Variants in LINGO2 observed in about 807,000 individuals in gnomAD.
LINGO2 encodes leucine-rich repeat and immunoglobulin-like domain-containing nogo receptor-interacting protein 2.
In LINGO2, 14 loss-of-function variants were observed where a neutral mutation model predicts 30.6. That is an observed-to-expected ratio of 0.46 (90% CI 0.30 to 0.72). The LOEUF is 0.72. LINGO2 is among the 30% of genes least tolerant of loss of function. LINGO2 has a pLI of 0.07. For missense variants in LINGO2, 729 were observed against 751.7 expected (o/e 0.97, Z 0.35); for synonymous variants, 317 against 288.5 (o/e 1.10, Z -1.00).
At chr9:28,441,914 A>C (rs1345823598) in intron 2 of LINGO2, among the ~76,000 whole-genome samples, 1 of 152,144 alleles carries the variant, frequency 6.6e-6, no homozygotes, top group Non-Finnish European at 1.5e-5. Flanking sequence ...GACTTCACTG[A>C]ACTAAGATAC....
chr9:27,984,352 A>C (rs1169177712), intron 5 of LINGO2, among the ~76,000 whole-genome samples: 1 of 151,864 alleles, frequency 6.6e-6, no homozygotes, highest in East Asian at 1.9e-4. Flanking sequence ...ACCAGGTTTT[A>C]ATAGGTGAGC....
At chr9:28,552,160 C>A (rs1010849668) in intron 1 of LINGO2, among the ~76,000 whole-genome samples, 2 of 151,954 alleles carry the variant, frequency 1.3e-5, no homozygotes, top group African/African-American at 2.4e-5. Context: ...ATCAAGCCCT[C>A]CTGATAAATC....
At chr9:28,487,294 G>A (rs1475258725) in intron 1 of LINGO2, among the ~76,000 whole-genome samples, 3 of 151,974 alleles carry the variant, frequency 2.0e-5, no homozygotes, top group Non-Finnish European at 4.4e-5. Context: ...TGTGATTTGG[G>A]GAATGCATTA....
At chr9:29,012,075 T>C in the LINGO2 span, among the ~76,000 whole-genome samples, 132,856 of 152,132 alleles carry the variant, frequency 0.87, 58,640 homozygotes, top group Non-Finnish European at 0.93. Flanking sequence ...AAAATATTAA[T>C]GGCTGGGCAC....
At chr9:28,769,530 T>A in the LINGO2 span, among the ~76,000 whole-genome samples, 1 of 6,186 alleles carries the variant, frequency 1.6e-4, no homozygotes, top group African/African-American at 2.7e-4. Flanking sequence ...TTTTTTTTTT[T>A]TTTTTTTTTT....
the LINGO2 span, among the ~76,000 whole-genome samples, chr9:29,168,029 G>A: frequency 1.3e-5 from 2 of 151,820 alleles, no homozygotes; most frequent in Non-Finnish European, 2.9e-5. Context: ...CTAGTACATT[G>A]TTATTGTTTT....
chr9:28,005,135 C>A (rs2119185266), intron 5 of LINGO2, among the ~76,000 whole-genome samples: 1 of 152,314 alleles, frequency 6.6e-6, no homozygotes, highest in South Asian at 2.1e-4. Flanking sequence ...TTCCCAGTAA[C>A]ACATGACTCT....
At chr9:29,189,495 G>T in the LINGO2 span, among the ~76,000 whole-genome samples, 2 of 151,806 alleles carry the variant, frequency 1.3e-5, no homozygotes, top group Non-Finnish European at 2.9e-5. Context: ...CCCAGACGGG[G>T]CGGTGGGGCA....
At chr9:28,599,267 C>G (rs1825353220) in intron 1 of LINGO2, 1 of 152,100 alleles carries the variant, frequency 6.6e-6, no homozygotes, top group African/African-American at 2.4e-5. Flanking sequence ...GAATATCTTA[C>G]CTAAGTGATT....
At chr9:28,203,264 T>G (rs1564040184) in intron 4 of LINGO2, among the ~76,000 whole-genome samples, 1 of 152,194 alleles carries the variant, frequency 6.6e-6, no homozygotes, top group Non-Finnish European at 1.5e-5. Context: ...TGAGAGTACT[T>G]TTATGTCATT....
At chr9:28,780,481 C>A in the LINGO2 span, among the ~76,000 whole-genome samples, 1 of 152,024 alleles carries the variant, frequency 6.6e-6, no homozygotes, top group South Asian at 2.1e-4. Context: ...CTCCCCACAA[C>A]CACAACTGGT....
At chr9:28,120,807 G>C (rs188508243) in intron 4 of LINGO2, among the ~76,000 whole-genome samples, 4 of 152,246 alleles carry the variant, frequency 2.6e-5, no homozygotes, top group Admixed American at 2.0e-4. Flanking sequence ...CAGTTTACAA[G>C]GTTCTCCTTG....
chr9:27,983,773 A>G (rs1820996020), intron 5 of LINGO2, among the ~76,000 whole-genome samples: 1 of 151,874 alleles, frequency 6.6e-6, no homozygotes, highest in Non-Finnish European at 1.5e-5. Context: ...TTCCTTTTGC[A>G]ATTCCCACCG....
At chr9:29,119,240 A>G in the LINGO2 span, among the ~76,000 whole-genome samples, 1 of 152,210 alleles carries the variant, frequency 6.6e-6, no homozygotes, top group South Asian at 2.1e-4. Context: ...AGAAAACAAA[A>G]GAGTGAAGTG....
At chr9:28,056,394 C>G (rs371511559) in intron 4 of LINGO2, among the ~76,000 whole-genome samples, 3 of 152,236 alleles carry the variant, frequency 2.0e-5, no homozygotes, top group African/African-American at 7.2e-5. Flanking sequence ...GACCCTCATT[C>G]TTTCAGCCTC....
At chr9:28,325,677 C>T (rs1345081358) in intron 3 of LINGO2, among the ~76,000 whole-genome samples, 6 of 152,162 alleles carry the variant, frequency 3.9e-5, no homozygotes, top group Non-Finnish European at 4.4e-5. Context: ...CTTTTGCCTT[C>T]TGCCATGATT....
Position 28,548,569 on chromosome 9 carries a change from T to C in LINGO2, c.-364-72544A>G, listed in dbSNP as rs1481526621. 3.3e-5 allele frequency among the ~76,000 whole-genome samples: 5 copies of C among 151,486 alleles called. No homozygotes were observed. In the East Asian group the frequency reaches 7.8e-4, roughly 24 times the overall value. On this transcript the variant is annotated intron_variant, in intron 1 of 5. Coordinates refer to ENST00000379992, the Ensembl canonical transcript of LINGO2. ...AAATACAAAAATTAGCCAGGTGTGC[T>C]GGTAGGCACTTGTAGTCTCAGCTAC...
At chr9:28,928,712 A>T in the LINGO2 span, among the ~76,000 whole-genome samples, 553 of 152,280 alleles carry the variant, frequency 3.6e-3, 2 homozygotes, top group African/African-American at 0.013. Flanking sequence ...AAAGGGTCCT[A>T]GATTCCTAAT....
At chr9:28,093,922 T>C (rs1395127682) in intron 4 of LINGO2, among the ~76,000 whole-genome samples, 2 of 152,050 alleles carry the variant, frequency 1.3e-5, no homozygotes, top group African/African-American at 2.4e-5. Flanking sequence ...TAGGAGATTG[T>C]AGTGAAGGTA....
Sources: gnomAD v4.1 joint callset for allele counts (sites outside exome capture counted in the v4.1 genomes callset) on GRCh38, gnomAD v4.1.1 for gene constraint, MANE v1.5 for transcripts, NCBI Gene and HGNC (gene_info 2026-07-23, HGNC 2026-07-21) for gene names.